The following WDR70 variants were observed in gnomAD, a reference collection of about 807,000 sequenced individuals.
WDR70 encodes WD repeat-containing protein 70.
WDR70 carries 53 observed loss-of-function variants against 88.6 expected under a neutral mutation model. The ratio of observed to expected loss-of-function variants is 0.60; its 90% CI spans 0.48 to 0.75. The LOEUF (loss-of-function observed/expected upper bound fraction) is 0.75. Ranked by LOEUF, WDR70 falls within the 30% of genes least tolerant of loss-of-function variation. WDR70 has a pLI of 0.00. For missense variants in WDR70, 610 were observed against 823.2 expected, an observed-to-expected ratio of 0.74 and a Z score of 3.17; for synonymous variants, 280 against 270.0, an observed-to-expected ratio of 1.04 and a Z score of -0.36.
intron 9 of WDR70, among the ~76,000 whole-genome samples, chr5:37,525,620 T>TAG (rs1741242257): frequency 6.6e-6 from 1 of 151,828 alleles, no homozygotes; most frequent in South Asian, 2.1e-4. Context: ...AGGCAAGAAA[T>TAG]AACTAAGATC....
chr5:37,733,411 A>G (rs1748209812), intron 17 of WDR70, among the ~76,000 whole-genome samples: 2 of 152,108 alleles, frequency 1.3e-5, no homozygotes, highest in South Asian at 4.1e-4. Context: ...TTTTCAACCT[A>G]CCATAGTAGA....
At chr5:37,641,029 C>G (rs1207384853) in intron 10 of WDR70, among the ~76,000 whole-genome samples, 1 of 152,190 alleles carries the variant, frequency 6.6e-6, no homozygotes, top group Non-Finnish European at 1.5e-5. Flanking sequence ...TGCTGTGGGT[C>G]TTTGGAACTA....
At chr5:37,400,013 A>G (rs1581250174) in intron 5 of WDR70, among the ~76,000 whole-genome samples, 1 of 152,018 alleles carries the variant, frequency 6.6e-6, no homozygotes, top group African/African-American at 2.4e-5. Context: ...GCTCACTGCA[A>G]CCTCCGTCTC....
chr5:37,573,552 C>T (rs150533192), intron 9 of WDR70, among the ~76,000 whole-genome samples: 48 of 142,422 alleles, frequency 3.4e-4, no homozygotes, highest in Non-Finnish European at 5.5e-4. Flanking sequence ...CACAACAGCC[C>T]CCAGTGTGTG....
At chr5:37,685,173 A>G (rs966835715) in intron 10 of WDR70, among the ~76,000 whole-genome samples, 14 of 152,082 alleles carry the variant, frequency 9.2e-5, no homozygotes, top group African/African-American at 3.4e-4. Context: ...CAAGGCACTG[A>G]CTGCAATGGT....
chr5:37,416,629 G>T (rs1230794111), intron 5 of WDR70, among the ~76,000 whole-genome samples: 1 of 151,300 alleles, frequency 6.6e-6, no homozygotes, highest in Non-Finnish European at 1.5e-5. Flanking sequence ...ACCCAGGCTG[G>T]AGTGCAATGG....
chr5:37,588,400 T>G (rs113418094), intron 9 of WDR70, among the ~76,000 whole-genome samples: 28 of 152,198 alleles, frequency 1.8e-4, no homozygotes, highest in African/African-American at 6.5e-4. Flanking sequence ...TTTTGTGAAC[T>G]TCATGATAGG....
At chr5:37,719,169 G>C (rs1747733338) in intron 13 of WDR70, among the ~76,000 whole-genome samples, 2 of 152,024 alleles carry the variant, frequency 1.3e-5, no homozygotes, top group African/African-American at 4.8e-5. Flanking sequence ...ATTTCCAGTG[G>C]TCTATCTCAA....
chr5:37,510,669 T>C (rs1369307048), intron 8 of WDR70, among the ~76,000 whole-genome samples: 1 of 152,216 alleles, frequency 6.6e-6, no homozygotes, highest in Non-Finnish European at 1.5e-5. Context: ...TTTCACTGAT[T>C]ATCTCAACAA....
intron 8 of WDR70, among the ~76,000 whole-genome samples, chr5:37,482,808 A>T (rs1205566778): frequency 6.6e-6 from 1 of 152,162 alleles, no homozygotes; most frequent in Non-Finnish European, 1.5e-5. Context: ...AACAGAAATT[A>T]TGTGGGATGG....
intron 7 of WDR70, among the ~76,000 whole-genome samples, chr5:37,448,348 G>T (rs141723640): frequency 1.3e-5 from 2 of 152,094 alleles, no homozygotes; most frequent in Admixed American, 6.6e-5. Flanking sequence ...GTACTTCCCC[G>T]AGTAGCCCGT....
chr5:37,633,874 A>G (rs987306329), intron 10 of WDR70, among the ~76,000 whole-genome samples: 4 of 152,176 alleles, frequency 2.6e-5, no homozygotes, highest in African/African-American at 7.2e-5. Context: ...AACCTGAAAC[A>G]TATAGGGCTG....
intron 9 of WDR70, among the ~76,000 whole-genome samples, chr5:37,524,868 C>A (rs1380643624): frequency 1.3e-5 from 2 of 152,044 alleles, no homozygotes; most frequent in African/African-American, 4.8e-5. Context: ...CAACAAAGAT[C>A]AAAAGAGAAA....
intron 8 of WDR70, among the ~76,000 whole-genome samples, chr5:37,499,751 G>T (rs1740349291): frequency 1.3e-5 from 2 of 151,254 alleles, no homozygotes; most frequent in South Asian, 2.1e-4. Flanking sequence ...TACGGGTTTG[G>T]CATTTTGCTC....
chr5:37,647,981 T>C (rs951887497), intron 10 of WDR70, among the ~76,000 whole-genome samples: 4 of 152,182 alleles, frequency 2.6e-5, no homozygotes, highest in Non-Finnish European at 2.9e-5. Flanking sequence ...TGGGGGAAAC[T>C]ACCCCCATAA....
Position 37,719,100 on chromosome 5 carries a change from T to C in WDR70, c.1417-2015T>C, listed in dbSNP as rs1747731300. Reference sequence around the variant, plus strand: ...ATAGGGTTTCATAAACATGACTTCATGAAGTTATGTTTGTGACTCTCCTTA... The same window carrying C: ...ATAGGGTTTCATAAACATGACTTCACGAAGTTATGTTTGTGACTCTCCTTA... On this transcript the variant is annotated intron_variant, in intron 13 of 17. Transcript: ENST00000265107. Among the ~76,000 whole-genome samples, 3 of 152,124 alleles carry C rather than the reference T, an allele frequency of 2.0e-5. No individual in the cohort carries two copies. The South Asian group carries it at 6.2e-4, about 32-fold the overall frequency.
chr5:37,667,170 A>G (rs754405522), intron 10 of WDR70, among the ~76,000 whole-genome samples: 6 of 152,124 alleles, frequency 3.9e-5, no homozygotes, highest in South Asian at 2.1e-4. Context: ...AATGCATTAT[A>G]TAATTTGAAG....
chr5:37,472,159 A>G (rs769517119), intron 7 of WDR70, among the ~76,000 whole-genome samples: 1 of 151,980 alleles, frequency 6.6e-6, no homozygotes, highest in African/African-American at 2.4e-5. Context: ...TACAATTTGT[A>G]TGCAAGATTT....
intron 5 of WDR70, among the ~76,000 whole-genome samples, chr5:37,414,537 C>G (rs1749633204): frequency 6.6e-6 from 1 of 151,336 alleles, no homozygotes; most frequent in African/African-American, 2.4e-5. Context: ...CATTATCTGA[C>G]ATTTTTGTGT....
Sources: allele counts gnomAD v4.1 joint callset (sites outside exome capture counted in the v4.1 genomes callset), GRCh38; gene constraint gnomAD v4.1.1; transcripts MANE v1.5; gene names NCBI Gene and HGNC (gene_info 2026-07-23, HGNC 2026-07-21).